The following MARCHF11 variants were observed in gnomAD, a reference collection of about 807,000 sequenced individuals.
The protein encoded by MARCHF11 is membrane associated ring-CH-type finger 11.
MARCHF11 carries 29 observed loss-of-function variants against 37.3 expected under a neutral mutation model. The ratio of observed to expected loss-of-function variants is 0.78; its 90% confidence interval spans 0.58 to 1.06. MARCHF11 has a LOEUF of 1.06. Ranked by LOEUF, MARCHF11 falls within the 50% of genes least tolerant of loss-of-function variation. The pLI, the probability that MARCHF11 is intolerant of heterozygous loss-of-function variation, is 0.00. For missense variants in MARCHF11, 482 were observed against 533.4 expected (o/e 0.90, Z 0.95); for synonymous variants, 233 against 228.0 (o/e 1.02, Z -0.20).
At chr5:16,078,646 G>A (rs1238107031) in intron 3 of MARCHF11, among the ~76,000 whole-genome samples, 1 of 152,130 alleles carries the variant, frequency 6.6e-6, no homozygotes, top group African/African-American at 2.4e-5. Flanking sequence ...TCCCCAGAGG[G>A]GCAGGGTTCG....
chr5:16,142,395 G>A (rs1737722428), intron 2 of MARCHF11, among the ~76,000 whole-genome samples: 1 of 152,152 alleles, frequency 6.6e-6, no homozygotes, highest in South Asian at 2.1e-4. Context: ...GGAGCATTGG[G>A]ACGGATTTCA....
Position 16,179,672 on chromosome 5 carries a change from A to G in MARCHF11, c.-97T>C. 1 of 791,336 alleles carries G rather than the reference A, an allele frequency of 1.3e-6. No homozygotes were observed. Among genetic ancestry groups the G allele is most frequent in the Non-Finnish European group, 1.5e-6 (1 of 657,820 alleles). The allele number at this position is 791,336 out of a possible 1,614,324, so 49.0% of individuals were successfully genotyped here. On this transcript the variant is annotated 5_prime_UTR_variant, in exon 1 of 4. Transcript: ENST00000332432. Reference sequence around the variant, plus strand: ...GGAGGGGGCGGGAGGGAGAGGGGAAAAGGAGGGAGGGGGCCCGGACGCCTG... The same window carrying G: ...GGAGGGGGCGGGAGGGAGAGGGGAAGAGGAGGGAGGGGGCCCGGACGCCTG...
Position 16,075,390 on chromosome 5 carries a change from T to G in MARCHF11, c.887-7597A>C, listed in dbSNP as rs142236770. Among the ~76,000 whole-genome samples, 925 of 152,172 alleles carry G rather than the reference T, an allele frequency of 6.1e-3. 29 individuals carry two copies. Among genetic ancestry groups the G allele is most frequent in the East Asian group, 6.0e-3 (31 of 5,150 alleles). On this transcript the variant is annotated intron_variant, in intron 3 of 3. Transcript: ENST00000332432. ...GTACTCAAAATCAATCTTTCCCTCC[T>G]TCTACTGCCCACCACTCTACACAGA...
At chr5:16,167,701 G>A (rs950042797) in intron 2 of MARCHF11, among the ~76,000 whole-genome samples, 5 of 151,958 alleles carry the variant, frequency 3.3e-5, no homozygotes, top group Admixed American at 6.6e-5. Flanking sequence ...CATCATTAAC[G>A]CAATCTATAA....
At chr5:16,103,658 C>T (rs145835641) in intron 2 of MARCHF11, among the ~76,000 whole-genome samples, 2 of 152,298 alleles carry the variant, frequency 1.3e-5, no homozygotes, top group East Asian at 3.9e-4. Context: ...CATTTCTCCA[C>T]CCCCTAGAAT....
Position 16,104,183 on chromosome 5 carries a change from C to T in MARCHF11, c.694-13102G>A, listed in dbSNP as rs73044644. Reference sequence around the variant, plus strand: ...CTTTAAAATGAGGATTTTGATTAAACCATCTTTAAGGCCCCTTTCCGCTCT... The same window carrying T: ...CTTTAAAATGAGGATTTTGATTAAATCATCTTTAAGGCCCCTTTCCGCTCT... On this transcript the variant is annotated intron_variant, in intron 2 of 3. Transcript: ENST00000332432. 1.8e-3 allele frequency among the ~76,000 whole-genome samples: 278 copies of T among 152,242 alleles called. 1 individual carries two copies. The highest frequency in any genetic ancestry group is 6.1e-3 in the African/African-American group (253 of 41,552).
intron 2 of MARCHF11, among the ~76,000 whole-genome samples, chr5:16,168,199 G>T (rs1738201972): frequency 6.6e-6 from 1 of 152,036 alleles, no homozygotes; most frequent in African/African-American, 2.4e-5. Flanking sequence ...TTTCTTTTCG[G>T]TAACAAATAT....
At chr5:16,147,698 C>T (rs112274962) in intron 2 of MARCHF11, among the ~76,000 whole-genome samples, 1 of 151,818 alleles carries the variant, frequency 6.6e-6, no homozygotes, top group South Asian at 2.1e-4. Flanking sequence ...AGTTATTCCA[C>T]GAGTCATTCC....
At chr5:16,098,630 T>G (rs1350527868) in intron 2 of MARCHF11, among the ~76,000 whole-genome samples, 2 of 151,942 alleles carry the variant, frequency 1.3e-5, no homozygotes, top group Non-Finnish European at 2.9e-5. Flanking sequence ...TAGCCAGGTG[T>G]GGTGGCAGTC....
intron 3 of MARCHF11, among the ~76,000 whole-genome samples, chr5:16,089,651 T>C (rs986242410): frequency 2.1e-4 from 32 of 152,042 alleles, no homozygotes; most frequent in Non-Finnish European, 3.5e-4. Flanking sequence ...TTTATAGAAT[T>C]CTTTTAGAAA....
At chr5:16,119,393 G>T (rs1737276037) in intron 2 of MARCHF11, among the ~76,000 whole-genome samples, 1 of 151,438 alleles carries the variant, frequency 6.6e-6, no homozygotes, top group Non-Finnish European at 1.5e-5. Flanking sequence ...AGAAAGAGAA[G>T]AAACAACTGA....
At chr5:16,104,771 T>A (rs1439828651) in intron 2 of MARCHF11, among the ~76,000 whole-genome samples, 1 of 152,216 alleles carries the variant, frequency 6.6e-6, no homozygotes, top group African/African-American at 2.4e-5. Flanking sequence ...CTAATGAGTT[T>A]GGACTCTGAG....
intron 2 of MARCHF11, among the ~76,000 whole-genome samples, chr5:16,166,782 A>G (rs560622514): frequency 6.6e-6 from 1 of 152,062 alleles, no homozygotes; most frequent in Non-Finnish European, 1.5e-5. Context: ...GCATGAGTTT[A>G]TAAGAATGTA....
At chr5:16,134,817 A>T (rs1042140143) in intron 2 of MARCHF11, among the ~76,000 whole-genome samples, 5 of 152,320 alleles carry the variant, frequency 3.3e-5, no homozygotes, top group Middle Eastern at 6.8e-3. Context: ...ATTTACCAAC[A>T]TGAGAAAGCA....
In MARCHF11 at chr5:16,083,628, C is replaced by A. The variant is rs980380113; in HGVS notation, c.886+7261G>T. Among the ~76,000 whole-genome samples the A allele has an allele frequency of 2.6e-5, 4 of 152,130 alleles. No homozygotes were observed. The East Asian group carries it at 7.7e-4, about 29-fold the overall frequency. The stretch of plus-strand genomic sequence containing the variant: ...ATGCTAATTTCTTTCTCTTTCCTTA[C>A]ACTAGGTAAGTTTTTAACCTAAAAT... On this transcript the variant is annotated intron_variant, in intron 3 of 3. Coordinates refer to ENST00000332432, the MANE Select transcript of MARCHF11 (RefSeq NM_001102562.3).
At chr5:16,094,632 T>C (rs1314960461) in intron 2 of MARCHF11, among the ~76,000 whole-genome samples, 3 of 152,182 alleles carry the variant, frequency 2.0e-5, no homozygotes, top group Admixed American at 6.5e-5. Context: ...TACTGCTTTC[T>C]TTCTTTCCGT....
Position 16,082,132 on chromosome 5 carries a change from C to T in MARCHF11, c.886+8757G>A, listed in dbSNP as rs192919982. 2.6e-5 allele frequency among the ~76,000 whole-genome samples: 4 copies of T among 152,332 alleles called. No homozygotes were observed. In the East Asian group the frequency reaches 7.7e-4, roughly 29 times the overall value. On this transcript the variant is annotated intron_variant, in intron 3 of 3. Transcript: ENST00000332432. ...TTTCTCCTCTGACAATTTCACATCA[C>T]AAAGGGCTGCTCTGCCTCCGCTTTC...
At chr5:16,151,899 G>A (rs1315062720) in intron 2 of MARCHF11, among the ~76,000 whole-genome samples, 2 of 151,818 alleles carry the variant, frequency 1.3e-5, no homozygotes, top group Non-Finnish European at 2.9e-5. Context: ...ATTTGGGGAT[G>A]AAGACAAAAG....
At chr5:16,154,072 T>C (rs1204617889) in intron 2 of MARCHF11, among the ~76,000 whole-genome samples, 4 of 151,914 alleles carry the variant, frequency 2.6e-5, no homozygotes, top group Non-Finnish European at 1.5e-5. Flanking sequence ...GTGGCGCACC[T>C]TACCTGATAC....
Sources: gnomAD v4.1 joint callset for allele counts (sites outside exome capture counted in the v4.1 genomes callset) on GRCh38, gnomAD v4.1.1 for gene constraint, MANE v1.5 for transcripts, NCBI Gene and HGNC (gene_info 2026-07-23, HGNC 2026-07-21) for gene names.